IL1RAP: variants seen among roughly 807,000 people sequenced by gnomAD.
IL1RAP encodes interleukin-1 receptor accessory protein.
In IL1RAP, 35 loss-of-function variants were observed where a neutral mutation model predicts 60.7. The observed-to-expected ratio is 0.58, with a 90% CI of 0.44 to 0.76. The LOEUF (loss-of-function observed/expected upper bound fraction) is 0.76. Ranked by LOEUF, IL1RAP falls within the 30% of genes least tolerant of loss-of-function variation. The pLI is 0.00. For missense variants in IL1RAP, 572 were observed against 693.9 expected (o/e 0.82, Z 1.97); for synonymous variants, 268 against 250.9 (o/e 1.07, Z -0.64).
intron 9 of IL1RAP, among the ~76,000 whole-genome samples, chr3:190,633,650 C>T (rs1490160533): frequency 6.6e-6 from 1 of 152,160 alleles, no homozygotes; most frequent in East Asian, 1.9e-4. Context: ...CGTGAGCCAC[C>T]ATGCCCGGCC....
At chr3:190,655,036 A>G (rs183595245), downstream of IL1RAP, among the ~76,000 whole-genome samples, 1,640 of 152,250 alleles carry the variant, frequency 0.011, 30 homozygotes, top group African/African-American at 0.038. Context: ...ACAGACGCAC[A>G]CACACACGCA....
intron 9 of IL1RAP, among the ~76,000 whole-genome samples, chr3:190,641,838 C>T (rs1733683892): frequency 6.6e-6 from 1 of 152,058 alleles, no homozygotes; most frequent in Non-Finnish European, 1.5e-5. Context: ...CTCAGAAATA[C>T]CAAGGACACA....
intron 1 of IL1RAP, among the ~76,000 whole-genome samples, chr3:190,528,565 T>C (rs1191562352): frequency 6.6e-6 from 1 of 152,188 alleles, no homozygotes; most frequent in Non-Finnish European, 1.5e-5. Context: ...ACAATAAGCA[T>C]TTTCTGAGAA....
At chr3:190,515,618 C>T (rs921589108) in intron 1 of IL1RAP, among the ~76,000 whole-genome samples, 13 of 151,836 alleles carry the variant, frequency 8.6e-5, no homozygotes. Flanking sequence ...GAATTTCCTA[C>T]TAGTTTTTAG....
At chr3:190,543,639 A>G (rs930277789) in intron 1 of IL1RAP, among the ~76,000 whole-genome samples, 8 of 152,118 alleles carry the variant, frequency 5.3e-5, no homozygotes, top group African/African-American at 1.9e-4. Flanking sequence ...ACACTTGGAG[A>G]GGGTAATGAA....
intron 4 of IL1RAP, among the ~76,000 whole-genome samples, chr3:190,605,263 G>A (rs1390378545): frequency 1.3e-5 from 2 of 151,196 alleles, no homozygotes; most frequent in African/African-American, 4.9e-5. Flanking sequence ...TCCCTTGAAA[G>A]TTTTGTAGAT....
At chr3:190,655,492 A>G (rs1734583920), downstream of IL1RAP, among the ~76,000 whole-genome samples, 1 of 152,074 alleles carries the variant, frequency 6.6e-6, no homozygotes, top group South Asian at 2.1e-4. Context: ...TAATTTGTAA[A>G]CAGAGCTGAA....
At chr3:190,639,540 T>C (rs148654800) in intron 9 of IL1RAP, among the ~76,000 whole-genome samples, 18 of 152,350 alleles carry the variant, frequency 1.2e-4, no homozygotes, top group African/African-American at 4.3e-4. Context: ...CAAATACACA[T>C]AGAATACTCA....
At chr3:190,573,727 G>A (rs987751064) in intron 3 of IL1RAP, among the ~76,000 whole-genome samples, 2 of 152,088 alleles carry the variant, frequency 1.3e-5, no homozygotes, top group Non-Finnish European at 2.9e-5. Flanking sequence ...ACAGTATTGG[G>A]TTTTTAATCA....
intron 4 of IL1RAP, among the ~76,000 whole-genome samples, chr3:190,606,964 A>G (rs1278266264): frequency 6.6e-6 from 1 of 152,202 alleles, no homozygotes; most frequent in African/African-American, 2.4e-5. Flanking sequence ...ATCAGAAAAT[A>G]TATCCTTAAA....
rs544097507 is a variant in IL1RAP at position 190,594,276 on chromosome 3, G to A, written c.65-9852G>A. 2.6e-5 allele frequency among the ~76,000 whole-genome samples: 4 copies of A among 152,280 alleles called. 1 individual carries two copies. In the South Asian group the frequency reaches 8.3e-4, roughly 32 times the overall value. On this transcript the variant is annotated intron_variant, in intron 3 of 11. Transcript: ENST00000447382. The stretch of plus-strand genomic sequence containing the variant: ...TGAGGACCAGACTCCAAGTAATGAG[G>A]ATATAAAAAGCTTATTTATCACATA...
intron 1 of IL1RAP, among the ~76,000 whole-genome samples, chr3:190,530,652 C>T (rs919861022): frequency 2.6e-5 from 4 of 152,186 alleles, no homozygotes; most frequent in Non-Finnish European, 4.4e-5. Context: ...GAAGTGTATA[C>T]ACAATTAGAA....
At chr3:190,589,865 C>T (rs1728795270) in intron 3 of IL1RAP, among the ~76,000 whole-genome samples, 3 of 152,196 alleles carry the variant, frequency 2.0e-5, no homozygotes, top group Admixed American at 2.0e-4. Flanking sequence ...AAGGTGTTCA[C>T]TGACGTATCC....
intron 5 of IL1RAP, among the ~76,000 whole-genome samples, chr3:190,617,846 T>C (rs929888590): frequency 6.6e-6 from 1 of 152,196 alleles, no homozygotes; most frequent in African/African-American, 2.4e-5. Flanking sequence ...ACATTTGTAG[T>C]GTAACAATGC....
chr3:190,530,959 G>A (rs1722936161), intron 1 of IL1RAP, among the ~76,000 whole-genome samples: 1 of 51,320 alleles, frequency 1.9e-5, no homozygotes, highest in African/African-American at 3.9e-4. Flanking sequence ...ACTTAGCCCC[G>A]ATGATTCAAG....
intron 2 of IL1RAP, among the ~76,000 whole-genome samples, chr3:190,561,971 T>G (rs898430360): frequency 6.6e-6 from 1 of 152,188 alleles, no homozygotes. Context: ...CTCAGAAAAC[T>G]TTGGTGACTC....
intron 2 of IL1RAP, among the ~76,000 whole-genome samples, chr3:190,560,504 G>T (rs1725793857): frequency 6.6e-6 from 1 of 152,218 alleles, no homozygotes; most frequent in African/African-American, 2.4e-5. Context: ...AGAGGGTGCT[G>T]ACGAGCACCA....
chr3:190,560,732 G>A (rs185372201), intron 2 of IL1RAP, among the ~76,000 whole-genome samples: 34 of 152,332 alleles, frequency 2.2e-4, no homozygotes, highest in Admixed American at 3.9e-4. Context: ...TCAGAGTGAT[G>A]CAGATAAGGA....
chr3:190,550,185 T>G (rs1724746769), intron 1 of IL1RAP, among the ~76,000 whole-genome samples: 1 of 152,198 alleles, frequency 6.6e-6, no homozygotes, highest in Non-Finnish European at 1.5e-5. Context: ...TGGAGTTCCC[T>G]AGACCTCATT....
Sources: allele counts gnomAD v4.1 joint callset (sites outside exome capture counted in the v4.1 genomes callset), GRCh38; gene constraint gnomAD v4.1.1; transcripts MANE v1.5; gene names NCBI Gene and HGNC (gene_info 2026-07-23, HGNC 2026-07-21).